Variants in AGBL1 observed in about 807,000 individuals in gnomAD.
AGBL1 encodes the protein AGBL carboxypeptidase 1, also known as cytosolic carboxypeptidase 4.
A neutral mutation model predicts 118.9 loss-of-function variants in AGBL1; 130 were observed. That is an observed-to-expected ratio of 1.09 (90% CI 0.95 to 1.26). The LOEUF is 1.26. Among genes scored for constraint, AGBL1 ranks in the 50% most tolerant of loss-of-function variants. The pLI is 0.00. For synonymous variants in AGBL1, 555 were observed against 478.9 expected (o/e 1.16, Z -2.08); for missense variants, 1,584 against 1,298.1 (o/e 1.22, Z -3.38).
chr15:86,393,485 A>G (rs1006014285), intron 17 of AGBL1, among the ~76,000 whole-genome samples: 17 of 152,328 alleles, frequency 1.1e-4, no homozygotes, highest in African/African-American at 4.1e-4. Flanking sequence ...ATGTGGAATT[A>G]TAGAACCGAA....
At chr15:86,364,767 G>A (rs2080854429) in intron 17 of AGBL1, among the ~76,000 whole-genome samples, 1 of 151,322 alleles carries the variant, frequency 6.6e-6, no homozygotes, top group South Asian at 2.1e-4. Context: ...TATGCTTTAA[G>A]TTACTTAGAA....
chr15:86,101,973 A>G (rs897654027), intron 1 of AGBL1, among the ~76,000 whole-genome samples: 1 of 149,704 alleles, frequency 6.7e-6, no homozygotes, highest in East Asian at 1.9e-4. Flanking sequence ...TTTCTCTCAC[A>G]TTGTTAATCA....
chr15:86,964,355 G>A (rs189971184), intron 23 of AGBL1, among the ~76,000 whole-genome samples: 1 of 151,958 alleles, frequency 6.6e-6, no homozygotes, highest in Admixed American at 6.6e-5. Flanking sequence ...ATGTTTAGAA[G>A]CATCCCTGAT....
chr15:86,858,462 T>TGG (rs1485457122), intron 22 of AGBL1, among the ~76,000 whole-genome samples: 3 of 93,296 alleles, frequency 3.2e-5, no homozygotes, highest in South Asian at 3.7e-4. Flanking sequence ...ACCTTTCAGG[T>TGG]GGTGTGTGTG....
At chr15:86,143,559 G>T (rs1248031289) in intron 2 of AGBL1, 140 bp from the exon 3 acceptor site, 1 of 1,011,154 alleles carries the variant, frequency 9.9e-7, no homozygotes, top group Non-Finnish European at 1.4e-6. Context: ...TTTAACACAG[G>T]TTGCTTCAAG....
At chr15:86,226,369 C>T (rs766045930) in intron 6 of AGBL1, among the ~76,000 whole-genome samples, 28 of 152,200 alleles carry the variant, frequency 1.8e-4, no homozygotes, top group Non-Finnish European at 3.2e-4. Flanking sequence ...GAATGTCATG[C>T]CTTGGGAAAG....
chr15:86,262,561 C>G (rs1233711419), intron 9 of AGBL1: 2 of 602,388 alleles, frequency 3.3e-6, no homozygotes, highest in Non-Finnish European at 6.1e-6. Flanking sequence ...CTGATAAATA[C>G]TGACATAAAT....
At chr15:86,492,593 A>G (rs1338516706) in intron 18 of AGBL1, among the ~76,000 whole-genome samples, 1 of 118,452 alleles carries the variant, frequency 8.4e-6, no homozygotes, top group African/African-American at 2.7e-5. Context: ...CTATCAAAAA[A>G]AAGAAAAAAA....
chr15:86,245,491 G>A (rs1345796448), intron 6 of AGBL1, among the ~76,000 whole-genome samples: 1 of 152,178 alleles, frequency 6.6e-6, no homozygotes, highest in Admixed American at 6.5e-5. Flanking sequence ...GTCCCTAGGA[G>A]CCAAGAGGGC....
chr15:86,304,116 AG>A (rs1316474136), intron 17 of AGBL1, among the ~76,000 whole-genome samples: 22 of 152,180 alleles, frequency 1.4e-4, no homozygotes, highest in African/African-American at 5.3e-4. Flanking sequence ...AATATGTTCT[AG>A]GCTCCTCCAA....
intron 6 of AGBL1, among the ~76,000 whole-genome samples, chr15:86,235,896 A>G (rs1485323337): frequency 6.6e-6 from 1 of 152,152 alleles, no homozygotes; most frequent in Non-Finnish European, 1.5e-5. Context: ...CTACAAATGC[A>G]CAGGATGGCC....
At chr15:86,552,460 T>C (rs1279810939) in intron 20 of AGBL1, among the ~76,000 whole-genome samples, 1 of 152,258 alleles carries the variant, frequency 6.6e-6, no homozygotes, top group African/African-American at 2.4e-5. Context: ...TATTTGCCAG[T>C]ATTATTGATC....
intron 24 of AGBL1, among the ~76,000 whole-genome samples, chr15:87,012,251 C>G (rs536438409): frequency 1.5e-5 from 2 of 135,142 alleles, no homozygotes; most frequent in African/African-American, 2.5e-5. Flanking sequence ...GCTCATTATT[C>G]AGCCCAAGCT....
At chr15:86,547,017 T>C (rs934188984) in intron 20 of AGBL1, among the ~76,000 whole-genome samples, 9 of 152,152 alleles carry the variant, frequency 5.9e-5, no homozygotes, top group African/African-American at 2.2e-4. Flanking sequence ...AGTCACCATT[T>C]CACCTGGAAA....
rs1232920631 is a variant in AGBL1, at chr15:86,951,184, G to T, written c.3222-36803G>T. 2.6e-5 allele frequency among the ~76,000 whole-genome samples: 4 copies of T among 152,204 alleles called. No individual in the cohort carries two copies. In the East Asian group the frequency reaches 7.7e-4, roughly 29 times the overall value. On this transcript the variant is annotated intron_variant, in intron 23 of 24. Coordinates refer to the AGBL1 transcript ENST00000441037. The stretch of plus-strand genomic sequence containing the variant: ...CCTTCATTGCCTCACCTGCCTCATT[G>T]TACTCCTGGACCTAATGTTAAGTGT...
rs926594088 is a variant in AGBL1, at chr15:86,794,638, C to CA, written c.3159-112439dup. Among the ~76,000 whole-genome samples the CA allele has an allele frequency of 1.8e-3, 259 of 146,336 alleles. 1 individual carries two copies. Among genetic ancestry groups the CA allele is most frequent in the African/African-American group, 3.7e-3 (147 of 39,990 alleles). The stretch of plus-strand genomic sequence containing the variant: ...ATATGTGAATTTTACTTTGATGAAA[C>CA]AAAAAAAAAACATGCAGGGTCTCAT... On this transcript the variant is annotated intron_variant, in intron 22 of 22. Transcript: ENST00000614907.
intron 22 of AGBL1, among the ~76,000 whole-genome samples, chr15:86,905,307 C>A (rs1446845065): frequency 6.6e-6 from 1 of 152,130 alleles, no homozygotes; most frequent in Non-Finnish European, 1.5e-5. Context: ...TTGTTGTGTC[C>A]CACTGGACCC....
chr15:86,126,282 A>G (rs1296361939), intron 1 of AGBL1, among the ~76,000 whole-genome samples: 2 of 152,108 alleles, frequency 1.3e-5, no homozygotes, highest in African/African-American at 2.4e-5. Context: ...CCTTATTTTC[A>G]CATAAAAACA....
At chr15:86,745,994 G>A (rs1409538513) in intron 22 of AGBL1, among the ~76,000 whole-genome samples, 1 of 152,058 alleles carries the variant, frequency 6.6e-6, no homozygotes, top group Non-Finnish European at 1.5e-5. Context: ...GATGTGCTAA[G>A]AAGCCAGGGC....
Sources: gnomAD v4.1 joint callset for allele counts (sites outside exome capture counted in the v4.1 genomes callset) on GRCh38, gnomAD v4.1.1 for gene constraint, MANE v1.5 for transcripts, NCBI Gene and HGNC (gene_info 2026-07-23, HGNC 2026-07-21) for gene names.